GSTA4: variants seen among roughly 807,000 people sequenced by gnomAD.
The protein encoded by GSTA4 is glutathione S-transferase alpha 4, also known as glutathione S-transferase A4.
Under a neutral mutation model 24.4 loss-of-function variants are expected in GSTA4, and 15 were observed. The ratio of observed to expected loss-of-function variants is 0.61; its 90% CI spans 0.41 to 0.95. GSTA4 has a LOEUF of 0.95. Ranked by LOEUF, GSTA4 falls within the 40% of genes least tolerant of loss-of-function variation. The probability of loss-of-function intolerance (pLI) is 0.00; values close to 1 mark genes in which losing one functional copy is unlikely to be tolerated. For synonymous variants in GSTA4, 92 were observed against 94.2 expected (o/e 0.98, Z 0.13); for missense variants, 244 against 262.1 (o/e 0.93, Z 0.48).
chr6:52,982,128 C>A (rs45529839), intron 6 of GSTA4, among the ~76,000 whole-genome samples: 2 of 152,314 alleles, frequency 1.3e-5, no homozygotes, highest in Non-Finnish European at 2.9e-5. Context: ...TGTGAGACCA[C>A]CTCATCTCTA....
chr6:52,986,054 A>C (rs1763550326), intron 3 of GSTA4, among the ~76,000 whole-genome samples: 1 of 152,124 alleles, frequency 6.6e-6, no homozygotes, highest in Non-Finnish European at 1.5e-5. Flanking sequence ...CTCGAAAAAA[A>C]AAAGAAGGCT....
intron 2 of GSTA4, among the ~76,000 whole-genome samples, chr6:52,990,832 C>G (rs1763646678): frequency 6.6e-6 from 1 of 152,136 alleles, no homozygotes; most frequent in Non-Finnish European, 1.5e-5. Context: ...TTTCACTTTC[C>G]TCTTAACAGT....
chr6:52,978,330 C>A lies in GSTA4; in HGVS notation c.*140G>T. 1 of 772,138 alleles carries A rather than the reference C, an allele frequency of 1.3e-6. No individual in the cohort carries two copies. Among genetic ancestry groups the A allele is most frequent in the East Asian group, 2.8e-5 (1 of 36,236 alleles). The allele number at this position is 772,138 out of a possible 1,614,324, so 47.8% of individuals were successfully genotyped here. A position where few individuals can be genotyped will look rare whatever the true frequency, so the allele number is the denominator to read the frequency against. ...GGTTGATATTTCTAGAAGAGATGAT[C>A]TCGTTGACACAAAAGACCCAACTTA... On this transcript the variant is annotated 3_prime_UTR_variant, in exon 7 of 7. Transcript: ENST00000370963.
At chr6:52,989,633 T>A (rs1223034551) in intron 2 of GSTA4, among the ~76,000 whole-genome samples, 1 of 152,152 alleles carries the variant, frequency 6.6e-6, no homozygotes. Flanking sequence ...GAAAGGAGCC[T>A]CAATGCTCCC....
At chr6:52,989,926 C>G (rs974273381) in intron 2 of GSTA4, among the ~76,000 whole-genome samples, 2 of 151,928 alleles carry the variant, frequency 1.3e-5, no homozygotes, top group African/African-American at 2.4e-5. Context: ...TCACTGCAGC[C>G]TCAACCTCCT....
intron 3 of GSTA4, 110 bp from the exon 4 acceptor site, chr6:52,985,693 T>C: frequency 4.6e-6 from 5 of 1,095,772 alleles, no homozygotes; most frequent in African/African-American, 1.6e-5. Flanking sequence ...CCTTAGGAAA[T>C]AGTGTAAAGC....
chr6:52,992,001 C>T (rs1702300967), intron 2 of GSTA4, among the ~76,000 whole-genome samples: 1 of 152,062 alleles, frequency 6.6e-6, no homozygotes, highest in African/African-American at 2.4e-5. Context: ...ATGATTTGCC[C>T]ACCTCGGCCT....
At chr6:52,981,449 C>T (rs1763450207) in intron 6 of GSTA4, among the ~76,000 whole-genome samples, 2 of 152,292 alleles carry the variant, frequency 1.3e-5, no homozygotes, top group South Asian at 4.1e-4. Context: ...TCTATCAGAT[C>T]TACTCAACTC....
At chr6:52,984,203 G>A (rs922082840) in intron 5 of GSTA4, among the ~76,000 whole-genome samples, 2 of 152,222 alleles carry the variant, frequency 1.3e-5, no homozygotes, top group Non-Finnish European at 2.9e-5. Flanking sequence ...CTTGGTGAAT[G>A]CAAGGAACAA....
intron 2 of GSTA4, among the ~76,000 whole-genome samples, chr6:52,991,728 C>G (rs532033883): frequency 6.6e-6 from 1 of 151,128 alleles, no homozygotes; most frequent in South Asian, 2.1e-4. Context: ...ACGTAGACAT[C>G]TAGCACCCAG....
intron 6 of GSTA4, 106 bp from the exon 7 acceptor site, chr6:52,978,698 G>C (rs1763391336): frequency 1.5e-6 from 1 of 686,446 alleles, no homozygotes; most frequent in Non-Finnish European, 2.4e-6. Flanking sequence ...ATAAATACTT[G>C]TTGAAGAGTT....
intron 6 of GSTA4, among the ~76,000 whole-genome samples, chr6:52,981,022 T>C (rs937433512): frequency 3.3e-5 from 5 of 152,098 alleles, no homozygotes; most frequent in African/African-American, 1.2e-4. Flanking sequence ...TGCAAAAGAA[T>C]ACTTCAGGTG....
chr6:52,989,429 G>A (rs1453049826), intron 2 of GSTA4, among the ~76,000 whole-genome samples: 1 of 152,110 alleles, frequency 6.6e-6, no homozygotes, highest in Non-Finnish European at 1.5e-5. Flanking sequence ...GTAACATTGG[G>A]AGGAAGACAC....
intron 6 of GSTA4, among the ~76,000 whole-genome samples, chr6:52,979,900 T>C (rs556351783): frequency 2.0e-4 from 30 of 152,364 alleles, no homozygotes; most frequent in African/African-American, 7.2e-4. Context: ...CCAAATGATG[T>C]ATTGTTTCAA....
At chr6:52,979,141 T>TTG (rs1763402252) in intron 6 of GSTA4, among the ~76,000 whole-genome samples, 2 of 152,090 alleles carry the variant, frequency 1.3e-5, no homozygotes, top group African/African-American at 4.8e-5. Context: ...CTCCAGTGTA[T>TTG]TGTTTTGTAT....
intron 2 of GSTA4, 92 bp downstream of exon 2, chr6:52,994,065 A>G (rs1436672421): frequency 2.3e-6 from 2 of 867,310 alleles, no homozygotes; most frequent in East Asian, 4.8e-5. Flanking sequence ...GTGGACGAGA[A>G]CTAGAACTGA....
At chr6:52,989,247 T>A (rs904624758) in intron 2 of GSTA4, among the ~76,000 whole-genome samples, 2 of 152,214 alleles carry the variant, frequency 1.3e-5, no homozygotes, top group Non-Finnish European at 2.9e-5. Context: ...GAAATAACTA[T>A]AAAAATGGGC....
At chr6:52,984,387 GA>G in intron 5 of GSTA4, 76 bp downstream of exon 5, 1 of 1,371,574 alleles carries the variant, frequency 7.3e-7, no homozygotes, top group Middle Eastern at 1.8e-4. Context: ...TCCTTGGACA[GA>G]AAAGGGTGTT....
chr6:52,983,750 C>T (rs1436191847), intron 5 of GSTA4, among the ~76,000 whole-genome samples: 2 of 152,184 alleles, frequency 1.3e-5, no homozygotes, highest in African/African-American at 2.4e-5. Flanking sequence ...TCTTCATTAT[C>T]CTATTTTACA....
Sources: gnomAD v4.1 joint callset for allele counts (sites outside exome capture counted in the v4.1 genomes callset) on GRCh38, gnomAD v4.1.1 for gene constraint, MANE v1.5 for transcripts, NCBI Gene and HGNC (gene_info 2026-07-23, HGNC 2026-07-21) for gene names.